SGCZ: variants seen among roughly 807,000 people sequenced by gnomAD.
SGCZ encodes zeta-sarcoglycan.
In SGCZ, 40 loss-of-function variants were observed where a neutral mutation model predicts 41.3. The observed-to-expected ratio is 0.97, with a 90% CI of 0.75 to 1.26. The LOEUF is 1.26. Ranked by LOEUF, SGCZ falls within the 50% of genes most tolerant of loss-of-function variation. The pLI, the probability that SGCZ is intolerant of heterozygous loss-of-function variation, is 0.00. For missense variants in SGCZ, 552 were observed against 369.8 expected (o/e 1.49, Z -4.04); for synonymous variants, 206 against 137.5 (o/e 1.50, Z -3.49).
chr8:15,203,971 T>C (rs1253331897), intron 1 of SGCZ, among the ~76,000 whole-genome samples: 1 of 152,226 alleles, frequency 6.6e-6, no homozygotes, highest in Non-Finnish European at 1.5e-5. Context: ...TACGTTTATG[T>C]AAGAAACAAT....
chr8:14,136,862 G>A (rs182633402), intron 5 of SGCZ, among the ~76,000 whole-genome samples: 5 of 152,266 alleles, frequency 3.3e-5, no homozygotes, highest in African/African-American at 4.8e-5. Flanking sequence ...GTGGGTCCCC[G>A]ACCCCTCAGT....
intron 1 of SGCZ, among the ~76,000 whole-genome samples, chr8:14,598,823 C>A (rs1805497386): frequency 6.6e-6 from 1 of 152,146 alleles, no homozygotes; most frequent in Non-Finnish European, 1.5e-5. Context: ...GGCAGTGTAC[C>A]AGCCAAAAAG....
intron 1 of SGCZ, among the ~76,000 whole-genome samples, chr8:14,819,538 G>T (rs1802010602): frequency 6.6e-6 from 1 of 152,120 alleles, no homozygotes; most frequent in East Asian, 1.9e-4. Flanking sequence ...ACACATGAAA[G>T]TATGAAACTC....
intron 5 of SGCZ, among the ~76,000 whole-genome samples, chr8:14,151,713 A>G (rs1373952313): frequency 1.3e-5 from 2 of 152,158 alleles, no homozygotes; most frequent in East Asian, 1.9e-4. Context: ...GTAAAGGTCT[A>G]TTATGTGGCT....
intron 1 of SGCZ, among the ~76,000 whole-genome samples, chr8:15,220,921 C>T (rs952962753): frequency 4.6e-5 from 7 of 152,070 alleles, no homozygotes; most frequent in African/African-American, 1.7e-4. Flanking sequence ...GTACAGAAAA[C>T]CAAACACCAC....
At chr8:14,101,026 T>C (rs1802003456) in intron 7 of SGCZ, among the ~76,000 whole-genome samples, 1 of 152,002 alleles carries the variant, frequency 6.6e-6, no homozygotes, top group African/African-American at 2.4e-5. Context: ...AGTAAAAATA[T>C]ATAGACTAGC....
intron 1 of SGCZ, among the ~76,000 whole-genome samples, chr8:14,709,203 G>A (rs1563217035): frequency 6.6e-6 from 1 of 152,136 alleles, no homozygotes; most frequent in African/African-American, 2.4e-5. Flanking sequence ...ATCAGCAGCA[G>A]AGATTATCTG....
chr8:14,756,573 G>A (rs959226084), intron 1 of SGCZ, among the ~76,000 whole-genome samples: 4 of 152,140 alleles, frequency 2.6e-5, no homozygotes, highest in African/African-American at 9.7e-5. Flanking sequence ...ATCATTATGA[G>A]TTTGCATTTC....
intron 3 of SGCZ, among the ~76,000 whole-genome samples, chr8:14,312,310 T>C (rs928089965): frequency 1.3e-5 from 2 of 152,124 alleles, no homozygotes; most frequent in Admixed American, 1.3e-4. Context: ...GGTCTGCTCC[T>C]AGAGTTTTGG....
intron 1 of SGCZ, among the ~76,000 whole-genome samples, chr8:15,065,415 AATT>A (rs200765691): frequency 0.1 from 14,358 of 137,270 alleles, 1,177 homozygotes; most frequent in African/African-American, 0.24. Flanking sequence ...ATGGTATTGT[AATT>A]ATTATTATTA....
chr8:14,236,442 C>G (rs897700242), intron 4 of SGCZ, among the ~76,000 whole-genome samples: 3 of 151,750 alleles, frequency 2.0e-5, no homozygotes, highest in Non-Finnish European at 4.4e-5. Context: ...TTCATCAAAA[C>G]AAATATTTAA....
chr8:14,596,556 T>C (rs953753476), intron 1 of SGCZ, among the ~76,000 whole-genome samples: 9 of 152,216 alleles, frequency 5.9e-5, no homozygotes, highest in Non-Finnish European at 1.0e-4. Context: ...TTTTCTTTTT[T>C]TGCTCTGTGA....
At chr8:15,155,659 C>T (rs80134031) in intron 1 of SGCZ, among the ~76,000 whole-genome samples, 32,306 of 152,042 alleles carry the variant, frequency 0.21, 3,822 homozygotes, top group East Asian at 0.47. Flanking sequence ...ACATGAAGAA[C>T]GCCTATTAAA....
At chr8:15,151,374 G>A (rs540502586) in intron 1 of SGCZ, among the ~76,000 whole-genome samples, 3 of 152,304 alleles carry the variant, frequency 2.0e-5, no homozygotes, top group African/African-American at 7.2e-5. Flanking sequence ...GGAGTCATTT[G>A]ATATGCTACA....
intron 1 of SGCZ, among the ~76,000 whole-genome samples, chr8:14,796,976 C>T (rs1801155248): frequency 6.6e-6 from 1 of 152,194 alleles, no homozygotes; most frequent in Admixed American, 6.5e-5. Context: ...TGATGCCTCC[C>T]CAGCCGTGCT....
intron 1 of SGCZ, among the ~76,000 whole-genome samples, chr8:15,011,509 A>C (rs1802826429): frequency 6.6e-6 from 1 of 152,232 alleles, no homozygotes; most frequent in Non-Finnish European, 1.5e-5. Flanking sequence ...AATAATTTAA[A>C]TCTTTAAGTT....
At chr8:15,180,471 G>C (rs1025006857) in intron 1 of SGCZ, among the ~76,000 whole-genome samples, 3 of 152,004 alleles carry the variant, frequency 2.0e-5, no homozygotes. Context: ...TTCTACATCT[G>C]CTCTTTTATT....
rs557574675 is a variant in SGCZ at position 14,678,141 on chromosome 8, G to A, written c.40-123215C>T. Among the ~76,000 whole-genome samples, 12 of 152,120 alleles carry A rather than the reference G, an allele frequency of 7.9e-5. No individual in the cohort carries two copies. The South Asian group carries it at 8.3e-4, about 11-fold the overall frequency. On this transcript the variant is annotated intron_variant, in intron 1 of 7. Coordinates refer to ENST00000382080, the MANE Select transcript of SGCZ (RefSeq NM_139167.4). ...TGAGCTTTTGTTTGGCAATGTTGAC[G>A]TAGATACAACAACAAAGACATAATC... is the stretch of plus-strand genomic sequence containing the variant.
At position 14,867,214 on chromosome 8, in the gene SGCZ, T is replaced by C. The variant is rs578181547; in HGVS notation, c.40-312288A>G. ...TGTTTATGAATTATAAGTTTAAAAA[T>C]AATGTTCAAACGCCTGAAGTAGGAT... On this transcript the variant is annotated intron_variant, in intron 1 of 7. Coordinates refer to ENST00000382080, the MANE Select transcript of SGCZ (RefSeq NM_139167.4). Among the ~76,000 whole-genome samples the C allele has an allele frequency of 2.0e-5, 3 of 152,244 alleles. No homozygotes were observed. The South Asian group carries it at 6.2e-4, about 32-fold the overall frequency.
Sources: gnomAD v4.1 joint callset for allele counts (sites outside exome capture counted in the v4.1 genomes callset) on GRCh38, gnomAD v4.1.1 for gene constraint, MANE v1.5 for transcripts, NCBI Gene and HGNC (gene_info 2026-07-23, HGNC 2026-07-21) for gene names.